Variants in HEBP1 observed in about 807,000 individuals in gnomAD.
HEBP1 encodes the protein heme binding protein 1.
Under a neutral mutation model 20.4 loss-of-function variants are expected in HEBP1, and 13 were observed. The observed-to-expected ratio is 0.64, with a 90% confidence interval of 0.42 to 1.01. HEBP1 has a LOEUF of 1.01. Ranked by LOEUF, HEBP1 falls within the 50% of genes least tolerant of loss-of-function variation. The pLI, the probability that HEBP1 is intolerant of heterozygous loss-of-function variation, is 0.00. For missense variants in HEBP1, 241 were observed against 247.3 expected (o/e 0.97, Z 0.17); for synonymous variants, 92 against 90.7 (o/e 1.01, Z -0.08).
intron 2 of HEBP1, 61 bp from the exon 3 acceptor site, chr12:12,987,393 G>A: frequency 7.4e-7 from 1 of 1,349,072 alleles, no homozygotes; most frequent in Non-Finnish European, 1.0e-6. Context: ...TCAGGGCTGT[G>A]GAAGACACAT....
intron 1 of HEBP1, among the ~76,000 whole-genome samples, chr12:12,993,486 CCTCTCTCTCTCTCT>C (rs113869518): frequency 0.3 from 41,012 of 134,706 alleles, 6,866 homozygotes; most frequent in East Asian, 0.75. Flanking sequence ...TTTTTCTTTT[CCTCTCTCTCTCTCT>C]CTCTCTCTCT....
At chr12:12,983,757 A>AT in intron 3 of HEBP1, 1 of 456,062 alleles carries the variant, frequency 2.2e-6, no homozygotes, top group Non-Finnish European at 4.4e-6. Flanking sequence ...TCAGAGAATT[A>AT]AAAGGAAATG....
At chr12:12,987,378 C>T in intron 2 of HEBP1, 46 bp from the exon 3 acceptor site, 1 of 1,532,316 alleles carries the variant, frequency 6.5e-7, no homozygotes, top group East Asian at 2.3e-5. Context: ...AGAGACAGAG[C>T]TTGCTCAGGG....
rs756837762 is a variant in HEBP1 at position 12,989,446 on chromosome 12, G to C, written c.79-31C>G. 1.7e-5 allele frequency: 27 copies of C among 1,610,658 alleles called. 1 individual carries two copies. The South Asian group carries it at 2.2e-4, about 13-fold the overall frequency. Reference sequence around the variant, plus strand: ...GAGAGAGAAGGTACAGTGTTTAAGAGGTACAAAGTAGCAACTTGTGATGTC... The same window carrying C: ...GAGAGAGAAGGTACAGTGTTTAAGACGTACAAAGTAGCAACTTGTGATGTC... On this transcript the variant is annotated intron_variant, in intron 1 of 3. Transcript: ENST00000014930.
Position 12,987,203 on chromosome 12 carries a change from C to A in HEBP1, c.347G>T (p.Ser116Ile), listed in dbSNP as rs1864163683. ...TTCCTCAATCTTAACGCTTTTGTCACTGGGAGCTGGTGGGTCGCTTTGAAA... is the reference window on the plus strand; with the variant it reads ...TTCCTCAATCTTAACGCTTTTGTCAATGGGAGCTGGTGGGTCGCTTTGAAA... ...NQFQSDPPAP[S>I]DKSVKIEERE... is the part of the protein sequence containing the mutation. The change falls in exon 3 of 4, where the codon AGT (serine) becomes ATT (isoleucine). Residue 116 changes from serine to isoleucine, a missense_variant. Ser to Ile is a moderately radical substitution (Grantham distance 142). Coordinates refer to ENST00000014930, the MANE Select transcript of HEBP1 (RefSeq NM_015987.5). 1 of 1,614,128 alleles carries A rather than the reference C, an allele frequency of 6.2e-7. No individual in the cohort carries two copies.
rs1444262988 is a variant in HEBP1, at chr12:12,996,166, TGAA to T, written c.78+3868_78+3870del. On this transcript the variant is annotated intron_variant, in intron 1 of 3. Coordinates refer to ENST00000014930, the MANE Select transcript of HEBP1 (RefSeq NM_015987.5). This position sits in a 1 kb window ranked among gnomAD's most constrained non-coding sequence, Gnocchi z 4.1. The stretch of plus-strand genomic sequence containing the variant: ...TCATTCAATTTCTCCAATAACCCTG[TGAA>T]GAAGTTAGGGCTTTAATCTTCATTT... 6.6e-6 allele frequency among the ~76,000 whole-genome samples: 1 copy of T among 152,234 alleles called. No homozygotes were observed. Among genetic ancestry groups the T allele is most frequent in the Non-Finnish European group, 1.5e-5 (1 of 68,044 alleles).
chr12:12,992,780 G>A (rs1419305370), intron 1 of HEBP1, among the ~76,000 whole-genome samples: 1 of 152,166 alleles, frequency 6.6e-6, no homozygotes, highest in East Asian at 1.9e-4. Flanking sequence ...TCATTTGAGA[G>A]CGCACCTACC....
At chr12:12,997,515 A>G (rs1864305746) in intron 1 of HEBP1, among the ~76,000 whole-genome samples, 1 of 152,152 alleles carries the variant, frequency 6.6e-6, no homozygotes, top group Non-Finnish European at 1.5e-5. Context: ...AGCCACAGAG[A>G]AGCTCCTAGT....
At chr12:12,983,060 G>T (rs1336953058) in intron 3 of HEBP1, among the ~76,000 whole-genome samples, 1 of 152,178 alleles carries the variant, frequency 6.6e-6, no homozygotes, top group Non-Finnish European at 1.5e-5. Flanking sequence ...CTGGGTTGGA[G>T]CATAGGTTAC....
At position 12,975,386 on chromosome 12, in the gene HEBP1, G is replaced by A. The variant is rs73287248; in HGVS notation, c.492C>T (p.Asp164=). The change falls in exon 4 of 4, where the codon GAC becomes GAT. Residue 164 remains aspartate, a synonymous_variant. Coordinates refer to ENST00000014930, the MANE Select transcript of HEBP1 (RefSeq NM_015987.5). The part of the protein sequence containing the change: ...ALEGTATYRG[D]IYFCTGYDPP... ...GGTCATAACCCGTGCAGAAGTAGAT[G>A]TCCCCCCGGTAGGTGGCTGTGCCCT... 2 of 1,613,912 alleles carry A rather than the reference G, an allele frequency of 1.2e-6. No individual in the cohort carries two copies. The highest frequency in any genetic ancestry group is 1.1e-5 in the South Asian group (1 of 91,066).
intron 3 of HEBP1, chr12:12,980,006 T>G (rs1454717609): frequency 6.6e-6 from 1 of 152,236 alleles, no homozygotes; most frequent in African/African-American, 2.4e-5. Flanking sequence ...TTAGGGAGTG[T>G]CTGGTGCAGG....
chr12:12,979,312 C>G (rs1299107483), intron 3 of HEBP1: 1 of 152,260 alleles, frequency 6.6e-6, no homozygotes, highest in Admixed American at 6.5e-5. Flanking sequence ...AAAATTTTCC[C>G]TATTGCTTCA....
chr12:12,975,950 A>G (rs1863976117), intron 3 of HEBP1, among the ~76,000 whole-genome samples: 1 of 152,086 alleles, frequency 6.6e-6, no homozygotes, highest in African/African-American at 2.4e-5. Flanking sequence ...AGCTGCAGTG[A>G]GTATGGTGGC....
intron 3 of HEBP1, 78 bp from the exon 4 acceptor site, chr12:12,975,557 T>A: frequency 7.9e-7 from 1 of 1,271,932 alleles, no homozygotes; most frequent in Non-Finnish European, 1.1e-6. Flanking sequence ...AAAAAGTCAC[T>A]CACCATGTTT....
At position 12,989,343 on chromosome 12, in the gene HEBP1, C is replaced by T. The variant is rs964905034; in HGVS notation, c.151G>A (p.Val51Met). The T allele has an allele frequency of 1.1e-5, 18 of 1,614,222 alleles. No homozygotes were observed. The highest frequency in any genetic ancestry group is 2.2e-5 in the East Asian group (1 of 44,882). ...FATVEVTDKP[V>M]DEALREAMPK... ...ATTGCTTCCCGTAGAGCCTCATCCA[C>T]AGGCTTATCTGTCACTTCTACTGTG... Residue 51 changes from valine to methionine, a missense_variant, in exon 2 of 4, where the codon GTG becomes ATG. Physicochemically the swap from Val to Met is conservative, Grantham distance 21 (BLOSUM62 1). Transcript: ENST00000014930.
At chr12:12,975,799 C>T (rs1863973457) in intron 3 of HEBP1, among the ~76,000 whole-genome samples, 1 of 152,062 alleles carries the variant, frequency 6.6e-6, no homozygotes, top group Non-Finnish European at 1.5e-5. Context: ...CCTGAAATAC[C>T]CAAGGGGACA....
chr12:12,982,733 G>A (rs1330125836), intron 3 of HEBP1, among the ~76,000 whole-genome samples: 1 of 152,192 alleles, frequency 6.6e-6, no homozygotes, highest in Non-Finnish European at 1.5e-5. Flanking sequence ...CTTGCTGCAA[G>A]TTACAAAATT....
chr12:12,976,421 A>T (rs1863989363), intron 3 of HEBP1, among the ~76,000 whole-genome samples: 1 of 152,188 alleles, frequency 6.6e-6, no homozygotes, highest in African/African-American at 2.4e-5. Context: ...TAGCCTAAAT[A>T]TACCACTCTA....
intron 1 of HEBP1, among the ~76,000 whole-genome samples, chr12:12,993,463 T>G (rs1352890280): frequency 6.6e-6 from 1 of 151,270 alleles, no homozygotes; most frequent in Non-Finnish European, 1.5e-5. Flanking sequence ...CCAAAGTGTC[T>G]TTGCTTTTTT....
Sources: gnomAD v4.1 joint callset for allele counts (sites outside exome capture counted in the v4.1 genomes callset) on GRCh38, gnomAD v4.1.1 for gene constraint, Gnocchi (gnomAD v3.1) non-coding constraint, MANE v1.5 for transcripts, NCBI Gene and HGNC (gene_info 2026-07-23, HGNC 2026-07-21) for gene names.